The following DRC11 variants were observed in gnomAD, a reference collection of about 807,000 sequenced individuals.
DRC11 encodes dynein regulatory complex subunit 11.
chr2:236,462,553 C>A, the DRC11 span, among the ~76,000 whole-genome samples: 10 of 152,112 alleles, frequency 6.6e-5, no homozygotes, highest in African/African-American at 2.2e-4. This position sits in a 1 kb window ranked among gnomAD's most constrained non-coding sequence, Gnocchi z 6.4. Context: ...CACCTGTAAT[C>A]CCAGCTACTC....
chr2:236,494,012 G>GAA, the DRC11 span: 16 of 696,486 alleles, frequency 2.3e-5, no homozygotes, highest in Non-Finnish European at 2.9e-5. The surrounding 1 kb of genome is among the most constrained non-coding windows in gnomAD (Gnocchi z 4.2). Context: ...TTTCATTTAA[G>GAA]AAAAAAAAAA....
the DRC11 span, among the ~76,000 whole-genome samples, chr2:236,409,737 C>T: frequency 1.3e-5 from 2 of 151,854 alleles, no homozygotes; most frequent in African/African-American, 2.4e-5. Flanking sequence ...ATGATATTGG[C>T]TGTGGGTTTG....
chr2:236,476,574 C>G, the DRC11 span, among the ~76,000 whole-genome samples: 2,938 of 152,244 alleles, frequency 0.019, 96 homozygotes, highest in African/African-American at 0.066. The surrounding 1 kb of genome is among the most constrained non-coding windows in gnomAD (Gnocchi z 4.7). Flanking sequence ...TGCCAAATTA[C>G]TCTGGCTAGG....
the DRC11 span, among the ~76,000 whole-genome samples, chr2:236,467,373 A>G: frequency 2.0e-5 from 3 of 152,028 alleles, no homozygotes; most frequent in Admixed American, 1.3e-4. Context: ...CAAATAGGAG[A>G]AAAAAAATCA....
At chr2:236,403,553 A>G in the DRC11 span, among the ~76,000 whole-genome samples, 930 of 152,196 alleles carry the variant, frequency 6.1e-3, 10 homozygotes, top group African/African-American at 0.021. Flanking sequence ...CATATGTGAT[A>G]TCCATCTGTT....
chr2:236,461,019 G>T, the DRC11 span, among the ~76,000 whole-genome samples: 1 of 152,126 alleles, frequency 6.6e-6, no homozygotes, highest in Admixed American at 6.5e-5. The surrounding 1 kb of genome is among the most constrained non-coding windows in gnomAD (Gnocchi z 4.0). Context: ...GCCTCTCAAA[G>T]TATAGGGATT....
At chr2:236,412,227 A>G in the DRC11 span, among the ~76,000 whole-genome samples, 3 of 152,092 alleles carry the variant, frequency 2.0e-5, no homozygotes, top group Non-Finnish European at 4.4e-5. Flanking sequence ...GGGACTCAGG[A>G]GGCAGAAAGA....
chr2:236,487,985 G>A, the DRC11 span: 1 of 1,535,656 alleles, frequency 6.5e-7, no homozygotes, highest in Non-Finnish European at 8.8e-7. Context: ...AACTCCAGGA[G>A]CCCTAGGTTT....
At chr2:236,440,429 G>T in the DRC11 span, among the ~76,000 whole-genome samples, 1 of 151,996 alleles carries the variant, frequency 6.6e-6, no homozygotes, top group Non-Finnish European at 1.5e-5. Context: ...TCTTCTCTTG[G>T]TTTCTATGCT....
chr2:236,407,135 A>G, the DRC11 span, among the ~76,000 whole-genome samples: 141 of 152,308 alleles, frequency 9.3e-4, no homozygotes, highest in African/African-American at 3.1e-3. Flanking sequence ...AACATTCCTC[A>G]TGGCTTTGAG....
the DRC11 span, among the ~76,000 whole-genome samples, chr2:236,327,304 T>A: frequency 6.6e-6 from 1 of 152,230 alleles, no homozygotes; most frequent in Non-Finnish European, 1.5e-5. Context: ...TCACCCAGGC[T>A]GGAGTGCAGT....
chr2:236,357,582 T>C, the DRC11 span, among the ~76,000 whole-genome samples: 1 of 127,272 alleles, frequency 7.9e-6, no homozygotes, highest in African/African-American at 3.1e-5. Context: ...AGTTATATAT[T>C]ATAAATATGC....
At chr2:236,345,444 AAATG>A in the DRC11 span, among the ~76,000 whole-genome samples, 2 of 152,204 alleles carry the variant, frequency 1.3e-5, no homozygotes, top group African/African-American at 4.8e-5. Context: ...TTTCTGCTGA[AAATG>A]AATGGAGAAC....
the DRC11 span, among the ~76,000 whole-genome samples, chr2:236,492,562 C>T: frequency 1.3e-5 from 2 of 152,344 alleles, no homozygotes; most frequent in South Asian, 4.1e-4. Context: ...GTTGCAGCCT[C>T]AGCATAGTTA....
the DRC11 span, among the ~76,000 whole-genome samples, chr2:236,411,899 G>C: frequency 1.0e-4 from 12 of 120,216 alleles, no homozygotes; most frequent in South Asian, 1.0e-3. Flanking sequence ...ACTGTTGTGG[G>C]GTGGGGGGAG....
At chr2:236,505,275 T>G in the DRC11 span, among the ~76,000 whole-genome samples, 1 of 152,196 alleles carries the variant, frequency 6.6e-6, no homozygotes, top group Admixed American at 6.5e-5. Flanking sequence ...ACTTGAATAT[T>G]CACTTGAATA....
chr2:236,435,883 G>A, the DRC11 span, among the ~76,000 whole-genome samples: 33 of 152,286 alleles, frequency 2.2e-4, no homozygotes, highest in Non-Finnish European at 3.7e-4. Flanking sequence ...TCTGGCCTAT[G>A]ACAACTTCTG....
chr2:236,316,293 G>T, the DRC11 span, among the ~76,000 whole-genome samples: 1 of 152,124 alleles, frequency 6.6e-6, no homozygotes, highest in Admixed American at 6.5e-5. The surrounding 1 kb of genome is among the most constrained non-coding windows in gnomAD (Gnocchi z 6.8). Context: ...CTCCAGAGTA[G>T]CTGGGATTAC....
the DRC11 span, among the ~76,000 whole-genome samples, chr2:236,313,443 T>C: frequency 6.6e-6 from 1 of 152,230 alleles, no homozygotes; most frequent in Non-Finnish European, 1.5e-5. This position sits in a 1 kb window ranked among gnomAD's most constrained non-coding sequence, Gnocchi z 4.5. Context: ...GGATCATTCA[T>C]ACATTGCAGT....
Sources: gnomAD v4.1 joint callset for allele counts (sites outside exome capture counted in the v4.1 genomes callset) on GRCh38, gnomAD v4.1.1 for gene constraint, Gnocchi (gnomAD v3.1) non-coding constraint, MANE v1.5 for transcripts, NCBI Gene and HGNC (gene_info 2026-07-23, HGNC 2026-07-21) for gene names.